The following FAM13A variants were observed in gnomAD, a reference collection of about 807,000 sequenced individuals.
FAM13A encodes family with sequence similarity 13 member A.
FAM13A carries 76 observed loss-of-function variants against 129.6 expected under a neutral mutation model. The observed-to-expected ratio is 0.59, with a 90% CI of 0.49 to 0.71. The LOEUF (loss-of-function observed/expected upper bound fraction) is 0.71. FAM13A is among the 30% of genes least tolerant of loss of function. The pLI, the probability that FAM13A is intolerant of heterozygous loss-of-function variation, is 0.00. For missense variants in FAM13A, 1,108 were observed against 1,249.3 expected (o/e 0.89, Z 1.70); for synonymous variants, 443 against 449.9 (o/e 0.98, Z 0.20).
chr4:88,843,949 C>T (rs972573597), intron 7 of FAM13A, among the ~76,000 whole-genome samples: 4 of 152,084 alleles, frequency 2.6e-5, no homozygotes, highest in Non-Finnish European at 5.9e-5. Context: ...TCAGTACTTT[C>T]CAAGGACCTG....
chr4:88,821,216 G>A (rs981684187), intron 7 of FAM13A, among the ~76,000 whole-genome samples: 2 of 152,200 alleles, frequency 1.3e-5, no homozygotes, highest in African/African-American at 4.8e-5. Context: ...CCTTCAGGAG[G>A]TTTATAACCA....
At chr4:88,792,632 T>C (rs1471218540) in intron 8 of FAM13A, among the ~76,000 whole-genome samples, 1 of 152,064 alleles carries the variant, frequency 6.6e-6, no homozygotes, top group African/African-American at 2.4e-5. Context: ...TTACACAACC[T>C]TGGTTTTGAG....
At chr4:88,815,124 T>TG (rs1364172426) in intron 7 of FAM13A, among the ~76,000 whole-genome samples, 2 of 152,140 alleles carry the variant, frequency 1.3e-5, no homozygotes, top group African/African-American at 4.8e-5. Flanking sequence ...ATTACAGGTG[T>TG]GTGCCACCGC....
chr4:89,041,615 A>G (rs1770139990), intron 1 of FAM13A, among the ~76,000 whole-genome samples: 1 of 152,162 alleles, frequency 6.6e-6, no homozygotes, highest in Admixed American at 6.6e-5. Context: ...GTGGTGACCA[A>G]TTCTTTAAAA....
rs542879355 is a variant in FAM13A at position 88,832,840 on chromosome 4, G to A, written c.1007+18180C>T. Among the ~76,000 whole-genome samples, 8 of 152,178 alleles carry A rather than the reference G, an allele frequency of 5.3e-5. No individual in the cohort carries two copies. The South Asian group carries it at 1.7e-3, about 32-fold the overall frequency. ...AGTGTGGTGATTCCTCAAAGATCTA[G>A]AACAGAAATACCATTTGACTCAGCA... On this transcript the variant is annotated intron_variant, in intron 7 of 23. Coordinates refer to ENST00000264344, the MANE Select transcript of FAM13A (RefSeq NM_014883.4).
chr4:88,752,800 C>A (rs542222484), intron 14 of FAM13A, among the ~76,000 whole-genome samples: 1 of 152,298 alleles, frequency 6.6e-6, no homozygotes, highest in East Asian at 1.9e-4. Context: ...GAAAATGGAA[C>A]TATTAAACTG....
intron 11 of FAM13A, among the ~76,000 whole-genome samples, chr4:88,772,167 G>A (rs1453707317): frequency 1.3e-5 from 2 of 152,146 alleles, no homozygotes; most frequent in African/African-American, 4.8e-5. Context: ...AAGGCTACAG[G>A]AATGCTGTTA....
intron 5 of FAM13A, among the ~76,000 whole-genome samples, chr4:88,924,855 C>G (rs1751817548): frequency 6.6e-6 from 1 of 150,994 alleles, no homozygotes; most frequent in Non-Finnish European, 1.5e-5. Context: ...AACAAATTTA[C>G]AAGAAAAAAA....
chr4:88,751,677 C>T (rs185674196), intron 14 of FAM13A, among the ~76,000 whole-genome samples: 41 of 151,572 alleles, frequency 2.7e-4, no homozygotes, highest in Admixed American at 2.7e-3. Context: ...AAGAGGGCAA[C>T]TGTCTACTTC....
chr4:88,826,312 T>TA lies in FAM13A; in HGVS notation c.1008-21261dup, dbSNP rs35488589. On this transcript the variant is annotated intron_variant, in intron 7 of 23. Coordinates refer to ENST00000264344, the MANE Select transcript of FAM13A (RefSeq NM_014883.4). ...AATCATACCAACTGGCACGTAGGAT[T>TA]AAAAAAAAAAAAAAAAAAACCATTC... is the stretch of plus-strand genomic sequence containing the variant. Among the ~76,000 whole-genome samples, 640 of 138,946 alleles carry TA rather than the reference T, an allele frequency of 4.6e-3. 5 individuals are homozygous for TA. Among genetic ancestry groups the TA allele is most frequent in the Middle Eastern group, 0.015 (4 of 274 alleles). 91.2% of individuals were successfully genotyped at this position (138,946 alleles called of 152,430 possible). A position where few individuals can be genotyped will look rare whatever the true frequency, so the allele number is the denominator to read the frequency against.
In FAM13A at chr4:88,892,348, T is replaced by C. The variant is rs183429131; in HGVS notation, c.843+14031A>G. Among the ~76,000 whole-genome samples, 140 of 151,940 alleles carry C rather than the reference T, an allele frequency of 9.2e-4. 2 individuals carry two copies. Among genetic ancestry groups the C allele is most frequent in the African/African-American group, 3.1e-3 (130 of 41,454 alleles). ...GCGCCCGCCACCACGCCTGGCTAATTTTTTGTATTTTTAGTAGAGATGGGG... is the reference window on the plus strand; with the variant it reads ...GCGCCCGCCACCACGCCTGGCTAATCTTTTGTATTTTTAGTAGAGATGGGG... On this transcript the variant is annotated intron_variant, in intron 6 of 23. Coordinates refer to ENST00000264344, the MANE Select transcript of FAM13A (RefSeq NM_014883.4).
chr4:88,931,164 G>T (rs540505444), intron 5 of FAM13A, among the ~76,000 whole-genome samples: 4 of 152,042 alleles, frequency 2.6e-5, no homozygotes, highest in African/African-American at 9.7e-5. Flanking sequence ...GCATGGGAGT[G>T]CTTGGTTTCC....
intron 4 of FAM13A, among the ~76,000 whole-genome samples, chr4:88,972,761 C>T (rs1005290727): frequency 2.0e-5 from 3 of 152,126 alleles, no homozygotes; most frequent in African/African-American, 7.2e-5. Flanking sequence ...TGTGCACCAT[C>T]ACACCTGGCT....
At chr4:89,034,983 C>T (rs1769178805) in intron 1 of FAM13A, among the ~76,000 whole-genome samples, 1 of 152,072 alleles carries the variant, frequency 6.6e-6, no homozygotes, top group African/African-American at 2.4e-5. Context: ...AATTTGGGTG[C>T]CCATGAGTGG....
intron 7 of FAM13A, among the ~76,000 whole-genome samples, chr4:88,817,746 T>C (rs1375757474): frequency 6.6e-6 from 1 of 152,182 alleles, no homozygotes; most frequent in Non-Finnish European, 1.5e-5. Context: ...TCAATTCTAT[T>C]TTCAACAGTA....
chr4:88,768,238 A>G (rs1023289580), intron 11 of FAM13A, 179 bp from the exon 12 acceptor site: 15 of 482,084 alleles, frequency 3.1e-5, no homozygotes, highest in African/African-American at 2.3e-4. Context: ...TCCTGCTTGC[A>G]TAGAATTGTG....
At chr4:88,948,300 A>T (rs1756290949) in intron 4 of FAM13A, among the ~76,000 whole-genome samples, 1 of 152,156 alleles carries the variant, frequency 6.6e-6, no homozygotes, top group African/African-American at 2.4e-5. Flanking sequence ...TTCTATTGTA[A>T]AATAGAACTG....
At chr4:88,852,405 G>T (rs1177486628) in intron 6 of FAM13A, among the ~76,000 whole-genome samples, 1 of 152,012 alleles carries the variant, frequency 6.6e-6, no homozygotes, top group African/African-American at 2.4e-5. Context: ...CAAGTTATCT[G>T]CCCACCTCGG....
At chr4:88,932,175 T>C (rs550100060) in intron 5 of FAM13A, among the ~76,000 whole-genome samples, 25 of 152,202 alleles carry the variant, frequency 1.6e-4, no homozygotes, top group Admixed American at 1.1e-3. Flanking sequence ...CTCTAAGATT[T>C]TGGTTATTTC....
Sources: allele counts gnomAD v4.1 joint callset (sites outside exome capture counted in the v4.1 genomes callset), GRCh38; gene constraint gnomAD v4.1.1; transcripts MANE v1.5; gene names NCBI Gene and HGNC (gene_info 2026-07-23, HGNC 2026-07-21).